Variants in DOT1L observed in about 807,000 individuals in gnomAD.
DOT1L encodes histone-lysine N-methyltransferase, H3 lysine-79 specific.
A neutral mutation model predicts 153.3 loss-of-function variants in DOT1L; 33 were observed. That is an observed-to-expected ratio of 0.22 (90% CI 0.16 to 0.29). The LOEUF is 0.29. DOT1L is among the 10% of genes least tolerant of loss of function. The probability of loss-of-function intolerance (pLI) is 1.00; values close to 1 mark genes in which losing one functional copy is unlikely to be tolerated. For synonymous variants in DOT1L, 1,135 were observed against 965.1 expected, an observed-to-expected ratio of 1.18 and a Z score of -3.26; for missense variants, 1,847 against 2,119.9, an observed-to-expected ratio of 0.87 and a Z score of 2.53.
intron 27 of DOT1L, chr19:2,228,477 G>T: frequency 8.3e-7 from 1 of 1,202,628 alleles, no homozygotes; most frequent in East Asian, 5.6e-5. Flanking sequence ...AGAAGTTCCG[G>T]GGGTCCTGAG....
chr19:2,194,317 C>T (rs1437489063), intron 6 of DOT1L, among the ~76,000 whole-genome samples, 198 bp from the exon 7 acceptor site: 1 of 152,058 alleles, frequency 6.6e-6, no homozygotes, highest in African/African-American at 2.4e-5. Flanking sequence ...ACTACAGGCG[C>T]CCCCCAACAC....
Position 2,225,872 on chromosome 19 carries a change from C to T in DOT1L, c.3662-311C>T, listed in dbSNP as rs141973776. Reference sequence around the variant, plus strand: ...AGGCTGCTGACCTCAGCATTTTCCCCAGAGCTCATCCCGCATGGCCTCTGA... The same window carrying T: ...AGGCTGCTGACCTCAGCATTTTCCCTAGAGCTCATCCCGCATGGCCTCTGA... On this transcript the variant is annotated intron_variant, in intron 26 of 27. Transcript: ENST00000398665. 6.9e-3 allele frequency among the ~76,000 whole-genome samples: 1,047 copies of T among 152,290 alleles called. 6 individuals are homozygous for T. The highest frequency in any genetic ancestry group is 0.011 in the Non-Finnish European group (761 of 68,008).
chr19:2,220,175 C>T lies in DOT1L; in HGVS notation c.2759C>T (p.Ala920Val), dbSNP rs765704035. 1 of 1,613,786 alleles carries T rather than the reference C, an allele frequency of 6.2e-7. No individual in the cohort carries two copies. Among genetic ancestry groups the T allele is most frequent in the African/African-American group, 1.3e-5 (1 of 75,038 alleles). The change falls in exon 23 of 28, where the codon GCT (alanine) becomes GTT (valine). Residue 920 changes from alanine (A) to valine (V), a missense_variant. Physicochemically the swap from Ala to Val is moderately conservative, Grantham distance 64 (BLOSUM62 0). Coordinates refer to ENST00000398665, the MANE Select transcript of DOT1L (RefSeq NM_032482.3). The surrounding 1 kb of genome is among the most constrained non-coding windows in gnomAD (Gnocchi z 4.5). ...PSSTLEKQIG[A>V]NAHGAGSRSL... The stretch of plus-strand genomic sequence containing the variant: ...TCCACACTTGAAAAGCAGATTGGTG[C>T]TAATGCCCACGGTGCTGGGAGCAGA...
intron 12 of DOT1L, among the ~76,000 whole-genome samples, chr19:2,210,138 T>C (rs752002202): frequency 6.6e-6 from 1 of 152,240 alleles, no homozygotes; most frequent in Non-Finnish European, 1.5e-5. Context: ...ACAGTCTGGC[T>C]TCTTACTGAC....
Position 2,217,045 on chromosome 19 carries a change from G to A in DOT1L, c.2499G>A (p.Leu833=), listed in dbSNP as rs1445082833. The change falls in exon 21 of 28, where the codon CTG becomes CTA. Residue 833 remains leucine (L), a synonymous_variant. Transcript: ENST00000398665. This position sits in a 1 kb window ranked among gnomAD's most constrained non-coding sequence, Gnocchi z 7.3. ...MKLSPQDPRP[L]SPGALQLAGE... ...TGAGCCCTCAGGACCCGCGGCCCCT[G>A]TCCCCTGGGGCCTTGCAGCTTGCTG... is the stretch of plus-strand genomic sequence containing the variant. 1.1e-5 allele frequency: 17 copies of A among 1,612,142 alleles called. No individual in the cohort carries two copies. Among genetic ancestry groups the A allele is most frequent in the Admixed American group, 1.7e-5 (1 of 59,986 alleles).
At chr19:2,203,791 TC>T (rs1176649846) in intron 9 of DOT1L, among the ~76,000 whole-genome samples, 2 of 152,226 alleles carry the variant, frequency 1.3e-5, no homozygotes, top group African/African-American at 4.8e-5. Context: ...TTTGGGGTCT[TC>T]CTTGAGGGGA....
intron 17 of DOT1L, 33 bp from the exon 18 acceptor site, chr19:2,213,816 C>A: frequency 6.2e-7 from 1 of 1,611,646 alleles, no homozygotes; most frequent in Non-Finnish European, 8.5e-7. Flanking sequence ...TGGAGGCCAC[C>A]AGCATGACCT....
chr19:2,170,295 C>T (rs1298862162), intron 1 of DOT1L, among the ~76,000 whole-genome samples: 2 of 152,152 alleles, frequency 1.3e-5, no homozygotes, highest in South Asian at 4.1e-4. Context: ...CCACGCTTGC[C>T]CCTGGTGTGG....
rs78679858 is a variant in DOT1L at position 2,210,779 on chromosome 19, G to A, written c.1275G>A (p.Lys425=). Residue 425 remains lysine (K), a synonymous_variant, in exon 14 of 28, where the codon AAG becomes AAA. Coordinates refer to ENST00000398665, the MANE Select transcript of DOT1L (RefSeq NM_032482.3). ...KKMNTANPER[K]PKKNQTALDA... ...TGAACACTGCGAACCCCGAGCGGAA[G>A]CCCAAGAAGAACCAAACTGCACTGG... The A allele has an allele frequency of 4.5e-3, 7,244 of 1,613,070 alleles. 13 individuals carry two copies. The highest frequency in any genetic ancestry group is 5.6e-3 in the Non-Finnish European group (6,575 of 1,180,002).
At position 2,199,873 on chromosome 19, in the gene DOT1L, T is replaced by G. The variant is rs531218743; in HGVS notation, c.652-11T>G. On this transcript the variant is annotated splice_polypyrimidine_tract_variant and intron_variant, in intron 7 of 27. Coordinates refer to ENST00000398665, the MANE Select transcript of DOT1L (RefSeq NM_032482.3). Reference sequence around the variant, plus strand: ...CCGGGGGTCCGCGCTCACACCTGTTTTCCCTTTCAGTTGGAGAGAGGCGAT... The same window carrying G: ...CCGGGGGTCCGCGCTCACACCTGTTGTCCCTTTCAGTTGGAGAGAGGCGAT... The G allele has an allele frequency of 6.2e-7, 1 of 1,613,674 alleles. No homozygotes were observed. Among genetic ancestry groups the G allele is most frequent in the East Asian group, 2.2e-5 (1 of 44,844 alleles).
At chr19:2,198,415 C>A (rs1187671695) in intron 7 of DOT1L, among the ~76,000 whole-genome samples, 3 of 152,008 alleles carry the variant, frequency 2.0e-5, no homozygotes, top group African/African-American at 4.8e-5. Context: ...GGATGTGCAG[C>A]TGCTCCTGGC....
At chr19:2,211,888 G>T (rs1216152916) in intron 16 of DOT1L, 46 bp downstream of exon 16, 1 of 1,506,854 alleles carries the variant, frequency 6.6e-7, no homozygotes, top group South Asian at 1.2e-5. Flanking sequence ...CACAGAGGCA[G>T]TTCGTTCCTG....
intron 9 of DOT1L, among the ~76,000 whole-genome samples, chr19:2,203,002 A>G (rs534487550): frequency 6.6e-6 from 1 of 151,810 alleles, no homozygotes; most frequent in Non-Finnish European, 1.5e-5. Flanking sequence ...GCTCACTGCA[A>G]CCTCCGCCTC....
At chr19:2,188,476 C>T (rs1380718797) in intron 3 of DOT1L, among the ~76,000 whole-genome samples, 5 of 128,776 alleles carry the variant, frequency 3.9e-5, no homozygotes, top group Non-Finnish European at 5.0e-5. Context: ...AGTCCCCAGC[C>T]GCCGCCCCCC....
intron 27 of DOT1L, chr19:2,229,084 C>T (rs1308764117): frequency 1.1e-5 from 11 of 985,336 alleles, no homozygotes; most frequent in Non-Finnish European, 1.3e-5. Flanking sequence ...GCTCAGATGT[C>T]AGCACCAAGC....
Position 2,186,900 on chromosome 19 carries a change from T to C in DOT1L, c.200+971T>C, listed in dbSNP as rs577634330. 8.5e-5 allele frequency among the ~76,000 whole-genome samples: 13 copies of C among 152,340 alleles called. No individual in the cohort carries two copies. The South Asian group carries it at 2.7e-3, about 32-fold the overall frequency. On this transcript the variant is annotated intron_variant, in intron 3 of 27. Coordinates refer to ENST00000398665, the MANE Select transcript of DOT1L (RefSeq NM_032482.3). ...CCCTGGTTTAGTATGAAGAGTGTGA[T>C]GCAGCGTGCAGATCAACAGCCGCAT...
At chr19:2,201,979 G>A (rs2023306482) in intron 8 of DOT1L, among the ~76,000 whole-genome samples, 1 of 152,220 alleles carries the variant, frequency 6.6e-6, no homozygotes, top group South Asian at 2.1e-4. Context: ...TCACGATGGT[G>A]GTGGCTTTGG....
chr19:2,187,645 G>T lies in DOT1L; in HGVS notation c.200+1716G>T, dbSNP rs574188065. ...GTGTAGAAGTGGAAACACAGGGGCTGGGCACCGTGGCTCACACCTGTAATC... is the reference window on the plus strand; with the variant it reads ...GTGTAGAAGTGGAAACACAGGGGCTTGGCACCGTGGCTCACACCTGTAATC... On this transcript the variant is annotated intron_variant, in intron 3 of 27. Transcript: ENST00000398665. Among the ~76,000 whole-genome samples the T allele has an allele frequency of 8.5e-5, 13 of 152,284 alleles. No individual in the cohort carries two copies. In the East Asian group the frequency reaches 2.3e-3, roughly 27 times the overall value.
chr19:2,196,332 A>G (rs1209897101), intron 7 of DOT1L, among the ~76,000 whole-genome samples: 1 of 151,946 alleles, frequency 6.6e-6, no homozygotes, highest in Admixed American at 6.6e-5. Context: ...GTTCGGACAC[A>G]TTTTTTTTGT....
Sources: allele counts gnomAD v4.1 joint callset (sites outside exome capture counted in the v4.1 genomes callset), GRCh38; gene constraint gnomAD v4.1.1; non-coding constraint Gnocchi (gnomAD v3.1); transcripts MANE v1.5; gene names NCBI Gene and HGNC (gene_info 2026-07-23, HGNC 2026-07-21).